The following SLC8A1 variants were observed in gnomAD, a reference collection of about 807,000 sequenced individuals.
The protein encoded by SLC8A1 is sodium/calcium exchanger 1.
SLC8A1 carries 18 observed loss-of-function variants against 68.3 expected under a neutral mutation model. That is an observed-to-expected ratio of 0.26 (90% CI 0.18 to 0.39). The LOEUF is 0.39. Ranked by LOEUF, SLC8A1 falls within the 10% of genes least tolerant of loss-of-function variation. The pLI, the probability that SLC8A1 is intolerant of heterozygous loss-of-function variation, is 1.00. For synonymous variants in SLC8A1, 475 were observed against 415.5 expected (o/e 1.14, Z -1.74); for missense variants, 985 against 1,156.7 (o/e 0.85, Z 2.15).
intron 1 of SLC8A1, among the ~76,000 whole-genome samples, chr2:40,466,771 C>G (rs573737785): frequency 1.3e-5 from 2 of 152,188 alleles, no homozygotes; most frequent in Admixed American, 6.5e-5. Context: ...CCCTAAGGAG[C>G]ATAGAGGCTG....
At chr2:40,145,936 C>A (rs887860385) in intron 6 of SLC8A1, among the ~76,000 whole-genome samples, 1 of 151,242 alleles carries the variant, frequency 6.6e-6, no homozygotes, top group African/African-American at 2.4e-5. Context: ...TTCAGTAACC[C>A]AAAGATTTAT....
chr2:40,421,685 C>G (rs1429122599), intron 2 of SLC8A1, among the ~76,000 whole-genome samples: 1 of 152,126 alleles, frequency 6.6e-6, no homozygotes, highest in African/African-American at 2.4e-5. Flanking sequence ...AACACAATGC[C>G]TATTCCCATA....
chr2:40,277,171 T>G (rs2066814592), intron 2 of SLC8A1, among the ~76,000 whole-genome samples: 1 of 152,110 alleles, frequency 6.6e-6, no homozygotes, highest in African/African-American at 2.4e-5. Flanking sequence ...ATGGTATGGT[T>G]ATAACACTTG....
exon 8 of SLC8A1, chr2:40,107,320 G>C (rs2034277794): frequency 1.4e-5 from 2 of 139,092 alleles, no homozygotes; most frequent in Admixed American, 1.4e-4. Context: ...ATTAACAACA[G>C]GCATGGGAAC....
At chr2:40,231,560 A>C (rs369142869) in intron 2 of SLC8A1, among the ~76,000 whole-genome samples, 11 of 152,154 alleles carry the variant, frequency 7.2e-5, no homozygotes, top group African/African-American at 2.7e-4. Flanking sequence ...ACTCACTTCA[A>C]ATGGGTTTTC....
rs553706240 is a variant in SLC8A1 at position 40,334,938 on chromosome 2, C to T, written c.1808+93535G>A. The stretch of plus-strand genomic sequence containing the variant: ...TCATGTCACCTACCACTGTCCTTGT[C>T]TTCCCCCTAACCTGTACCAAGGCCT... On this transcript the variant is annotated intron_variant, in intron 2 of 7. Transcript: ENST00000406785. 2.6e-5 allele frequency among the ~76,000 whole-genome samples: 4 copies of T among 152,330 alleles called. No homozygotes were observed. The South Asian group carries it at 8.3e-4, about 32-fold the overall frequency.
chr2:40,277,591 C>T (rs1184867160), intron 2 of SLC8A1, among the ~76,000 whole-genome samples: 1 of 151,488 alleles, frequency 6.6e-6, no homozygotes, highest in African/African-American at 2.4e-5. Context: ...AAGTAGCTAC[C>T]TTATAAGGTT....
chr2:40,155,450 T>G (rs1394485409), intron 6 of SLC8A1, among the ~76,000 whole-genome samples: 2 of 152,124 alleles, frequency 1.3e-5, no homozygotes, highest in Non-Finnish European at 2.9e-5. Context: ...TTTAACTGCT[T>G]AAATTGGATT....
rs555880940 is a variant in SLC8A1 at position 40,397,813 on chromosome 2, G to T, written c.1808+30660C>A. Among the ~76,000 whole-genome samples, 3 of 152,280 alleles carry T rather than the reference G, an allele frequency of 2.0e-5. No individual in the cohort carries two copies. The East Asian group carries it at 5.8e-4, about 29-fold the overall frequency. ...TCTTCCCTGGGAATCACCAGCATTT[G>T]CACAGACTTCTACAACTAGCTACAT... is the stretch of plus-strand genomic sequence containing the variant. On this transcript the variant is annotated intron_variant, in intron 2 of 7. Coordinates refer to ENST00000406785, the Ensembl canonical transcript of SLC8A1.
chr2:40,419,099 G>A (rs1248163078), intron 2 of SLC8A1, among the ~76,000 whole-genome samples: 1 of 152,176 alleles, frequency 6.6e-6, no homozygotes, highest in East Asian at 1.9e-4. Context: ...GGTTTTCTAT[G>A]GCAGAGGCTA....
At chr2:40,462,928 C>T (rs1441050545) in intron 1 of SLC8A1, among the ~76,000 whole-genome samples, 2 of 152,122 alleles carry the variant, frequency 1.3e-5, no homozygotes, top group South Asian at 2.1e-4. Context: ...AAAAATTATT[C>T]GTTCATTCAC....
intron 2 of SLC8A1, among the ~76,000 whole-genome samples, chr2:40,232,961 G>GT (rs1558871157): frequency 6.6e-6 from 1 of 151,270 alleles, no homozygotes; most frequent in Non-Finnish European, 1.5e-5. Context: ...GTATTCCATG[G>GT]TGTATATGTG....
intron 1 of SLC8A1, among the ~76,000 whole-genome samples, chr2:40,461,239 G>A (rs1442192486): frequency 2.0e-5 from 3 of 152,130 alleles, no homozygotes; most frequent in Admixed American, 6.5e-5. Flanking sequence ...TGCGGATGGA[G>A]GGTGCTAGTC....
At chr2:40,193,365 T>TA (rs1340470590) in intron 2 of SLC8A1, among the ~76,000 whole-genome samples, 1 of 152,010 alleles carries the variant, frequency 6.6e-6, no homozygotes, top group East Asian at 1.9e-4. Context: ...GCATTGGGGA[T>TA]AAAAAGAGGA....
chr2:40,434,942 G>C (rs1473126320), intron 1 of SLC8A1, among the ~76,000 whole-genome samples: 1 of 152,130 alleles, frequency 6.6e-6, no homozygotes, highest in Non-Finnish European at 1.5e-5. Flanking sequence ...AAGGAAGAGG[G>C]AGAGCTTTTG....
intron 2 of SLC8A1, among the ~76,000 whole-genome samples, chr2:40,379,832 T>C (rs1431491838): frequency 2.0e-5 from 3 of 152,060 alleles, no homozygotes; most frequent in Non-Finnish European, 4.4e-5. Flanking sequence ...TTTCTAAATA[T>C]CTATTAAAGT....
At chr2:40,255,664 A>AAAT (rs1462318440) in intron 2 of SLC8A1, among the ~76,000 whole-genome samples, 1 of 152,202 alleles carries the variant, frequency 6.6e-6, no homozygotes, top group African/African-American at 2.4e-5. Flanking sequence ...TGTGGAAAAT[A>AAAT]AATACGTGCA....
intron 2 of SLC8A1, among the ~76,000 whole-genome samples, chr2:40,372,148 T>C (rs1678307749): frequency 6.6e-6 from 1 of 152,218 alleles, no homozygotes. Flanking sequence ...ATAATCACAT[T>C]CAACCCTAGA....
chr2:40,127,203 C>T (rs1027821792), intron 7 of SLC8A1, among the ~76,000 whole-genome samples: 1 of 152,128 alleles, frequency 6.6e-6, no homozygotes, highest in Non-Finnish European at 1.5e-5. Context: ...ACTGTAGACT[C>T]AGTTCAGTTA....
Sources: gnomAD v4.1 joint callset for allele counts (sites outside exome capture counted in the v4.1 genomes callset) on GRCh38, gnomAD v4.1.1 for gene constraint, MANE v1.5 for transcripts, NCBI Gene and HGNC (gene_info 2026-07-23, HGNC 2026-07-21) for gene names.